LARGE1: variants seen among roughly 807,000 people sequenced by gnomAD.
The protein encoded by LARGE1 is LARGE xylosyl- and glucuronyltransferase 1.
In LARGE1, 43 loss-of-function variants were observed where a neutral mutation model predicts 87.6. The ratio of observed to expected loss-of-function variants is 0.49; its 90% confidence interval spans 0.38 to 0.63. The LOEUF (loss-of-function observed/expected upper bound fraction) is 0.63. Ranked by LOEUF, LARGE1 falls within the 30% of genes least tolerant of loss-of-function variation. The pLI is 0.00. For missense variants in LARGE1, 802 were observed against 1,000.2 expected (o/e 0.80, Z 2.67); for synonymous variants, 434 against 394.6 (o/e 1.10, Z -1.18).
At chr22:33,195,990 C>G (rs1244729156) in intron 11 of LARGE1, among the ~76,000 whole-genome samples, 1 of 151,502 alleles carries the variant, frequency 6.6e-6, no homozygotes, top group Non-Finnish European at 1.5e-5. Flanking sequence ...GATCTCCTGA[C>G]CTCGTGGTCC....
chr22:33,143,416 C>A, the LARGE1 span, among the ~76,000 whole-genome samples: 121 of 152,216 alleles, frequency 7.9e-4, 1 homozygote, highest in Non-Finnish European at 1.5e-3. Context: ...TTTCAAAAAT[C>A]AAGCAGATAT....
chr22:33,469,886 CT>C (rs537465362), intron 6 of LARGE1, among the ~76,000 whole-genome samples: 417 of 117,012 alleles, frequency 3.6e-3, no homozygotes, highest in South Asian at 0.017. Context: ...TATGTTTACT[CT>C]TTTTTTTTTT....
At chr22:33,722,184 C>T (rs927625120) in intron 2 of LARGE1, among the ~76,000 whole-genome samples, 1 of 150,964 alleles carries the variant, frequency 6.6e-6, no homozygotes, top group Non-Finnish European at 1.5e-5. Context: ...ACCTGGGAGG[C>T]GGAGGTTGCA....
intron 1 of LARGE1, among the ~76,000 whole-genome samples, chr22:33,784,724 TACAG>T (rs1339321810): frequency 6.6e-6 from 1 of 151,960 alleles, no homozygotes. Flanking sequence ...TATACACACA[TACAG>T]AGTTTATATT....
At chr22:33,859,190 TAAAAAA>T in intron 1 of LARGE1, among the ~76,000 whole-genome samples, 1 of 151,984 alleles carries the variant, frequency 6.6e-6, no homozygotes, top group African/African-American at 2.4e-5. Flanking sequence ...AAAGTATAAT[TAAAAAA>T]AATAAAAATG....
In LARGE1 at chr22:33,629,924, C is replaced by T. The variant is rs372024213; in HGVS notation, c.409-3598G>A. On this transcript the variant is annotated intron_variant, in intron 3 of 14. Transcript: ENST00000397394. ...ATCACTGCAGGCTAATTTTGCTGTG[C>T]GCGGTGACTCATGCTTGCAATCCCA... Among the ~76,000 whole-genome samples the T allele has an allele frequency of 1.8e-3, 278 of 152,182 alleles. 2 individuals carry two copies. The highest frequency in any genetic ancestry group is 7.9e-3 in the South Asian group (38 of 4,816).
intron 1 of LARGE1, among the ~76,000 whole-genome samples, chr22:33,860,364 T>C (rs1245606594): frequency 3.3e-5 from 5 of 152,166 alleles, no homozygotes; most frequent in Non-Finnish European, 7.3e-5. Flanking sequence ...AATAAAATAA[T>C]GTACACAGTC....
chr22:33,832,406 A>C (rs1412554278), intron 1 of LARGE1, among the ~76,000 whole-genome samples: 1 of 152,200 alleles, frequency 6.6e-6, no homozygotes, highest in African/African-American at 2.4e-5. Flanking sequence ...ACAGAGGTCC[A>C]AAACACAACT....
At chr22:33,119,943 C>T in the LARGE1 span, among the ~76,000 whole-genome samples, 1 of 152,090 alleles carries the variant, frequency 6.6e-6, no homozygotes, top group Non-Finnish European at 1.5e-5. Flanking sequence ...ACTGCTGTCT[C>T]CTTTAGGAGC....
At chr22:33,919,692 G>A (rs1444959215) in intron 1 of LARGE1, among the ~76,000 whole-genome samples, 2 of 152,268 alleles carry the variant, frequency 1.3e-5, no homozygotes, top group Non-Finnish European at 2.9e-5. Context: ...AAGAGGGCCG[G>A]GGGTGCGGGT....
At chr22:33,486,995 T>C (rs531291080) in intron 6 of LARGE1, among the ~76,000 whole-genome samples, 144 of 152,342 alleles carry the variant, frequency 9.5e-4, no homozygotes, top group Non-Finnish European at 1.6e-3. Flanking sequence ...TAGATCCAAA[T>C]TGCGGACACA....
intron 1 of LARGE1, among the ~76,000 whole-genome samples, chr22:33,867,337 G>A (rs5999125): frequency 0.64 from 96,815 of 152,056 alleles, 31,073 homozygotes; most frequent in South Asian, 0.72. Flanking sequence ...TCTGCCTTCT[G>A]TTCTGGACTC....
At chr22:33,530,563 C>T (rs553812141) in intron 6 of LARGE1, among the ~76,000 whole-genome samples, 2 of 149,412 alleles carry the variant, frequency 1.3e-5, no homozygotes, top group South Asian at 2.1e-4. Flanking sequence ...AGGCAGAAAA[C>T]GTCCTTCTCC....
intron 1 of LARGE1, among the ~76,000 whole-genome samples, chr22:33,868,772 C>T (rs1188471340): frequency 6.6e-6 from 1 of 152,218 alleles, no homozygotes; most frequent in Non-Finnish European, 1.5e-5. Flanking sequence ...CCCAACTCAT[C>T]ATGCATTTAC....
At chr22:33,358,222 G>A (rs938016496) in intron 9 of LARGE1, among the ~76,000 whole-genome samples, 8 of 152,284 alleles carry the variant, frequency 5.3e-5, no homozygotes, top group African/African-American at 1.9e-4. Flanking sequence ...AATGAAACCG[G>A]CACTGGCCTG....
chr22:33,446,050 A>G (rs1328589834), intron 6 of LARGE1, among the ~76,000 whole-genome samples: 1 of 152,120 alleles, frequency 6.6e-6, no homozygotes, highest in Non-Finnish European at 1.5e-5. Flanking sequence ...TTTGAACTTC[A>G]CCCTCAACCT....
At chr22:33,733,837 T>C (rs1280356209) in intron 2 of LARGE1, among the ~76,000 whole-genome samples, 1 of 152,168 alleles carries the variant, frequency 6.6e-6, no homozygotes, top group Non-Finnish European at 1.5e-5. Context: ...AATGGCTTGC[T>C]GGGGAGAAGC....
At chr22:33,815,763 T>C (rs1228159453) in intron 1 of LARGE1, among the ~76,000 whole-genome samples, 1 of 152,212 alleles carries the variant, frequency 6.6e-6, no homozygotes, top group Non-Finnish European at 1.5e-5. Context: ...CCGGAAGGCA[T>C]GTATGTATTC....
At chr22:33,817,855 G>A (rs1267042615) in intron 1 of LARGE1, among the ~76,000 whole-genome samples, 5 of 151,946 alleles carry the variant, frequency 3.3e-5, no homozygotes, top group African/African-American at 1.2e-4. Context: ...TCAGCGGTAA[G>A]GTAGGACAAA....
Sources: gnomAD v4.1 joint callset for allele counts (sites outside exome capture counted in the v4.1 genomes callset) on GRCh38, gnomAD v4.1.1 for gene constraint, MANE v1.5 for transcripts, NCBI Gene and HGNC (gene_info 2026-07-23, HGNC 2026-07-21) for gene names.